Variants in APOBEC3F observed in about 807,000 individuals in gnomAD.
APOBEC3F encodes DNA dC->dU-editing enzyme APOBEC-3F.
Under a neutral mutation model 45.8 loss-of-function variants are expected in APOBEC3F, and 34 were observed. The ratio of observed to expected loss-of-function variants is 0.74; its 90% CI spans 0.57 to 0.99. The LOEUF (loss-of-function observed/expected upper bound fraction) is 0.99. Ranked by LOEUF, APOBEC3F falls within the 50% of genes least tolerant of loss-of-function variation. The pLI, the probability that APOBEC3F is intolerant of heterozygous loss-of-function variation, is 0.00. For missense variants in APOBEC3F, 459 were observed against 474.1 expected (o/e 0.97, Z 0.30); for synonymous variants, 192 against 174.4 (o/e 1.10, Z -0.80).
intron 1 of APOBEC3F, among the ~76,000 whole-genome samples, chr22:39,041,457 A>C (rs1926887662): frequency 1.4e-5 from 2 of 147,900 alleles, no homozygotes; most frequent in South Asian, 4.1e-4. Flanking sequence ...GCACAAGATA[A>C]ATCGTATCTT....
At chr22:39,049,182 G>A (rs1232725791) in intron 4 of APOBEC3F, among the ~76,000 whole-genome samples, 3 of 152,142 alleles carry the variant, frequency 2.0e-5, no homozygotes, top group Admixed American at 6.6e-5. Flanking sequence ...GAGACGTGTG[G>A]CAGAAAAACT....
intron 2 of APOBEC3F, 26 bp downstream of exon 2, chr22:39,043,116 G>A: frequency 6.2e-7 from 1 of 1,613,252 alleles, no homozygotes; most frequent in Non-Finnish European, 8.5e-7. Context: ...CAATCACTTT[G>A]CAGGCAGGAG....
intron 1 of APOBEC3F, among the ~76,000 whole-genome samples, chr22:39,041,768 A>C (rs923696870): frequency 6.6e-6 from 1 of 152,064 alleles, no homozygotes; most frequent in African/African-American, 2.4e-5. Flanking sequence ...AGGCTGAGAC[A>C]GGAGAATCGC....
chr22:39,046,737 C>T (rs1927243915), intron 4 of APOBEC3F, among the ~76,000 whole-genome samples: 1 of 152,076 alleles, frequency 6.6e-6, no homozygotes, highest in Non-Finnish European at 1.5e-5. Flanking sequence ...TTGTCTCAGC[C>T]TCCCAAGTAC....
chr22:39,047,362 C>T (rs1480792408), intron 4 of APOBEC3F, among the ~76,000 whole-genome samples: 1 of 152,158 alleles, frequency 6.6e-6, no homozygotes, highest in Non-Finnish European at 1.5e-5. Flanking sequence ...AAAGTGAGAC[C>T]TGCACTCAGA....
chr22:39,048,950 A>C (rs1434933218), intron 4 of APOBEC3F, among the ~76,000 whole-genome samples: 2 of 151,906 alleles, frequency 1.3e-5, no homozygotes, highest in African/African-American at 2.4e-5. Context: ...GCGCCACTGC[A>C]CTCCAGCCTG....
Position 39,055,044 on chromosome 22 carries a change from C to T in APOBEC3F, c.*2349C>T, listed in dbSNP as rs1386103839. Among the ~76,000 whole-genome samples the T allele has an allele frequency of 1.3e-5, 2 of 151,468 alleles. No individual in the cohort carries two copies. Among genetic ancestry groups the T allele is most frequent in the African/African-American group, 2.4e-5 (1 of 41,128 alleles). ...GTGGCCTTTCCTCTATGAACCTGTA[C>T]TGTACCTCTGGGGTCTCTCTGCTTC... On this transcript the variant is annotated 3_prime_UTR_variant, in exon 7 of 7. Coordinates refer to ENST00000308521, the MANE Select transcript of APOBEC3F (RefSeq NM_145298.6).
rs540806428 is a variant in APOBEC3F at position 39,049,347 on chromosome 22, T to C, written c.567-78T>C. The C allele has an allele frequency of 2.6e-4, 393 of 1,509,766 alleles. 2 individuals are homozygous for C. In the South Asian group the frequency reaches 4.5e-3, roughly 17 times the overall value. The allele number at this position is 1,509,766 out of a possible 1,614,324, so 93.5% of individuals were successfully genotyped here. A position where few individuals can be genotyped will look rare whatever the true frequency, so the allele number is the denominator to read the frequency against. ...AGCAGACATTCCCAGGGCTGTCCAG[T>C]GAGTGGTGTTCAGTGGGCATCAGCT... On this transcript the variant is annotated intron_variant, in intron 4 of 6. Coordinates refer to ENST00000308521, the MANE Select transcript of APOBEC3F (RefSeq NM_145298.6).
At chr22:39,043,464 C>G (rs1927032059) in intron 2 of APOBEC3F, among the ~76,000 whole-genome samples, 1 of 111,890 alleles carries the variant, frequency 8.9e-6, no homozygotes, top group Non-Finnish European at 1.8e-5. Flanking sequence ...CCACGCCCAG[C>G]TAATTTTTTT....
In APOBEC3F at chr22:39,052,339, T is replaced by C. The variant is rs758231025; in HGVS notation, c.989T>C (p.Ile330Thr). 6.2e-7 allele frequency: 1 copy of C among 1,614,104 alleles called. No individual in the cohort carries two copies. The highest frequency in any genetic ancestry group is 8.5e-7 in the Non-Finnish European group (1 of 1,180,014). The change falls in exon 6 of 7, where the codon ATC (isoleucine) becomes ACC (threonine). Residue 330 changes from isoleucine (I) to threonine (T), a missense_variant. Coordinates refer to ENST00000308521, the MANE Select transcript of APOBEC3F (RefSeq NM_145298.6). ...AGTCAGGAAGGGGCCTCCGTGGAGA[T>C]CATGGGCTACAAAGGTGAGACGTTG... ...SLSQEGASVEIMGYKDFKYCW... is the reference protein window; with the variant it reads ...SLSQEGASVETMGYKDFKYCW...
rs1926844333 is a variant in APOBEC3F, at chr22:39,040,890, T to C, written c.-71T>C. The C allele has an allele frequency of 2.6e-6, 4 of 1,552,008 alleles. No homozygotes were observed. The highest frequency in any genetic ancestry group is 3.5e-6 in the Non-Finnish European group (4 of 1,147,222). ...CTTTAGGGAGGGCTGTCCTGAAACCTGGAGCCTGGAGCAGAAAGTGAAACC... is the reference window on the plus strand; with the variant it reads ...CTTTAGGGAGGGCTGTCCTGAAACCCGGAGCCTGGAGCAGAAAGTGAAACC... On this transcript the variant is annotated 5_prime_UTR_variant, in exon 1 of 7. Transcript: ENST00000308521.
intron 4 of APOBEC3F, among the ~76,000 whole-genome samples, chr22:39,046,322 AACATATCAATGTGGGGAAGAT>A (rs1224120210): frequency 6.6e-6 from 1 of 152,180 alleles, no homozygotes; most frequent in Non-Finnish European, 1.5e-5. Flanking sequence ...TGAGGGTTTC[AACATATCAATGTGGGGAAGAT>A]ACAATTTAGT....
rs1423989073 is a variant in APOBEC3F, at chr22:39,040,980, A to G, written c.17+3A>G. 3 of 1,584,424 alleles carry G rather than the reference A, an allele frequency of 1.9e-6. No homozygotes were observed. The highest frequency in any genetic ancestry group is 2.6e-6 in the Non-Finnish European group (3 of 1,165,096). ...CCAAGGATGAAGCCTCACTTCAGGT[A>G]CCGCTGCCCGCTCTACCCGCTGGGC... On this transcript the variant is annotated splice_donor_region_variant and intron_variant, in intron 1 of 6. Coordinates refer to ENST00000308521, the MANE Select transcript of APOBEC3F (RefSeq NM_145298.6).
At chr22:39,048,231 G>T (rs1417667273) in intron 4 of APOBEC3F, among the ~76,000 whole-genome samples, 1 of 152,182 alleles carries the variant, frequency 6.6e-6, no homozygotes, top group Non-Finnish European at 1.5e-5. Context: ...GCCCGGAAAG[G>T]GGCCCCAGCT....
intron 1 of APOBEC3F, among the ~76,000 whole-genome samples, chr22:39,042,390 C>T (rs1926957972): frequency 6.7e-6 from 1 of 149,400 alleles, no homozygotes; most frequent in African/African-American, 2.5e-5. Context: ...CGGCTCACTA[C>T]AACCTCCGCC....
intron 1 of APOBEC3F, among the ~76,000 whole-genome samples, chr22:39,042,354 C>T (rs1212736385): frequency 4.0e-5 from 6 of 150,030 alleles, no homozygotes; most frequent in African/African-American, 1.5e-4. Context: ...TCTTGTAGCC[C>T]AGGCTGGAGT....
chr22:39,055,577 G>C lies in APOBEC3F; in HGVS notation c.*2882G>C, dbSNP rs1268097805. ...TAGAGATGGGGTTTCACTGAGGAAGGAGACCACCTCTCTCATTGTCTCCTA... is the reference window on the plus strand; with the variant it reads ...TAGAGATGGGGTTTCACTGAGGAAGCAGACCACCTCTCTCATTGTCTCCTA... On this transcript the variant is annotated 3_prime_UTR_variant, in exon 7 of 7. Coordinates refer to ENST00000308521, the MANE Select transcript of APOBEC3F (RefSeq NM_145298.6). Among the ~76,000 whole-genome samples, 3 of 152,042 alleles carry C rather than the reference G, an allele frequency of 2.0e-5. No individual in the cohort carries two copies. The highest frequency in any genetic ancestry group is 4.4e-5 in the Non-Finnish European group (3 of 68,012).
intron 5 of APOBEC3F, among the ~76,000 whole-genome samples, chr22:39,051,427 CT>C (rs1927479266): frequency 6.7e-6 from 1 of 150,334 alleles, no homozygotes. Flanking sequence ...GTCCCAGCTA[CT>C]TGGGAGGCTG....
chr22:39,044,236 G>C, intron 2 of APOBEC3F: 1 of 1,595,642 alleles, frequency 6.3e-7, no homozygotes, highest in Non-Finnish European at 8.5e-7. Context: ...GCCACAGCAG[G>C]GGCTGAGGAT....
Sources: gnomAD v4.1 joint callset for allele counts (sites outside exome capture counted in the v4.1 genomes callset) on GRCh38, gnomAD v4.1.1 for gene constraint, MANE v1.5 for transcripts, NCBI Gene and HGNC (gene_info 2026-07-23, HGNC 2026-07-21) for gene names.